The following RPN2 variants were observed in gnomAD, a reference collection of about 807,000 sequenced individuals.
RPN2 encodes dolichyl-diphosphooligosaccharide--protein glycosyltransferase subunit 2.
In RPN2, 29 loss-of-function variants were observed where a neutral mutation model predicts 71.4. The ratio of observed to expected loss-of-function variants is 0.41; its 90% confidence interval spans 0.30 to 0.55. The LOEUF (loss-of-function observed/expected upper bound fraction) is 0.55. RPN2 is among the 20% of genes least tolerant of loss of function. The pLI is 0.35. For synonymous variants in RPN2, 308 were observed against 305.0 expected (o/e 1.01, Z -0.10); for missense variants, 726 against 774.1 (o/e 0.94, Z 0.74).
intron 6 of RPN2, 75 bp downstream of exon 6, chr20:37,204,976 A>G (rs2067479468): frequency 6.9e-6 from 11 of 1,605,032 alleles, no homozygotes; most frequent in Non-Finnish European, 9.4e-6. Context: ...GGCTTTTATC[A>G]GAGAGGAATG....
At chr20:37,194,012 C>T (rs1307204018) in intron 2 of RPN2, among the ~76,000 whole-genome samples, 4 of 152,082 alleles carry the variant, frequency 2.6e-5, no homozygotes, top group Admixed American at 2.6e-4. Context: ...CAGCAGGGTG[C>T]GGTGGCATCC....
At chr20:37,215,790 G>A (rs2067791581) in intron 9 of RPN2, among the ~76,000 whole-genome samples, 1 of 152,032 alleles carries the variant, frequency 6.6e-6, no homozygotes, top group Non-Finnish European at 1.5e-5. Context: ...CATATGAAAA[G>A]GTATCTTGTT....
At chr20:37,204,161 G>T (rs1206665202) in intron 5 of RPN2, among the ~76,000 whole-genome samples, 1 of 152,212 alleles carries the variant, frequency 6.6e-6, no homozygotes, top group East Asian at 1.9e-4. Flanking sequence ...AGGACGTGGT[G>T]ACTGTGGTTT....
At chr20:37,188,537 A>G (rs758458176) in intron 2 of RPN2, among the ~76,000 whole-genome samples, 4 of 151,682 alleles carry the variant, frequency 2.6e-5, no homozygotes, top group Admixed American at 1.3e-4. Flanking sequence ...TATTTCATAC[A>G]GTTTTATAGT....
intron 1 of RPN2, among the ~76,000 whole-genome samples, chr20:37,183,323 C>T (rs1336662361): frequency 2.6e-5 from 4 of 151,910 alleles, no homozygotes; most frequent in Non-Finnish European, 4.4e-5. Context: ...TCAAGCGATT[C>T]TCCTGCCTCA....
intron 5 of RPN2, among the ~76,000 whole-genome samples, chr20:37,204,478 A>G (rs547838897): frequency 1.3e-5 from 2 of 152,310 alleles, no homozygotes; most frequent in Admixed American, 1.3e-4. Context: ...TTCCACCCAA[A>G]GCAGCTGGCG....
rs752848301 is a variant in RPN2 at position 37,185,142 on chromosome 20, GTCTT to G, written c.207+771_207+774del. The stretch of plus-strand genomic sequence containing the variant: ...TAAAACCTTTCCTGGATTCGGGACA[GTCTT>G]TTTTTTTTTTTTTTTGAGACAGAGT... On this transcript the variant is annotated intron_variant, in intron 2 of 16. Coordinates refer to ENST00000237530, the MANE Select transcript of RPN2 (RefSeq NM_002951.5). Among the ~76,000 whole-genome samples, 61 of 139,604 alleles carry G rather than the reference GTCTT, an allele frequency of 4.4e-4. 4 individuals carry two copies. The East Asian group carries it at 5.5e-3, about 13-fold the overall frequency. The allele number at this position is 139,604 out of a possible 152,430, so 91.6% of individuals were successfully genotyped here. A position where few individuals can be genotyped will look rare whatever the true frequency, so the allele number is the denominator to read the frequency against.
rs190165538 is a variant in RPN2, at chr20:37,180,206, G to C, written c.13+837G>C. Reference sequence around the variant, plus strand: ...AACTTACTTGCCCAGGGTGACACATGAATGAGTCAGTGGCTCACCGTTTCA... The same window carrying C: ...AACTTACTTGCCCAGGGTGACACATCAATGAGTCAGTGGCTCACCGTTTCA... On this transcript the variant is annotated intron_variant, in intron 1 of 16. Coordinates refer to ENST00000237530, the MANE Select transcript of RPN2 (RefSeq NM_002951.5). Among the ~76,000 whole-genome samples the C allele has an allele frequency of 2.6e-5, 4 of 152,320 alleles. No homozygotes were observed. The East Asian group carries it at 7.7e-4, about 29-fold the overall frequency.
chr20:37,209,307 AT>A (rs1311148227), intron 7 of RPN2, among the ~76,000 whole-genome samples: 3 of 152,200 alleles, frequency 2.0e-5, no homozygotes, highest in Non-Finnish European at 4.4e-5. Context: ...ATTCTAAAGT[AT>A]TTTTCTGGCT....
chr20:37,181,437 T>C (rs567043225), intron 1 of RPN2, among the ~76,000 whole-genome samples: 45 of 149,974 alleles, frequency 3.0e-4, no homozygotes, highest in African/African-American at 8.5e-4. Flanking sequence ...TTTTCTTTTT[T>C]TTTTTTTTTT....
At chr20:37,221,192 A>C (rs1396347473) in intron 9 of RPN2, among the ~76,000 whole-genome samples, 1 of 144,178 alleles carries the variant, frequency 6.9e-6, no homozygotes, top group Non-Finnish European at 1.5e-5. Context: ...ACTTTACACA[A>C]TTCTTTTTTT....
chr20:37,232,529 C>A, intron 14 of RPN2, 138 bp downstream of exon 14: 1 of 1,076,746 alleles, frequency 9.3e-7, no homozygotes, highest in Non-Finnish European at 1.4e-6. Context: ...AATTGATGCT[C>A]AAGACATTTT....
intron 2 of RPN2, among the ~76,000 whole-genome samples, chr20:37,185,976 T>G (rs1165051602): frequency 2.6e-5 from 4 of 152,236 alleles, no homozygotes; most frequent in African/African-American, 9.6e-5. Context: ...TTCCTGTGGT[T>G]GTGGGCCTGA....
chr20:37,209,149 T>G (rs1224273428), intron 7 of RPN2, among the ~76,000 whole-genome samples: 1 of 152,250 alleles, frequency 6.6e-6, no homozygotes, highest in Non-Finnish European at 1.5e-5. Flanking sequence ...TCTTCACCTG[T>G]GCAATAAGGA....
In RPN2 at chr20:37,206,854, G is replaced by T. The variant is rs143066629; in HGVS notation, c.691-419G>T. Among the ~76,000 whole-genome samples the T allele has an allele frequency of 4.6e-5, 7 of 151,910 alleles. 1 individual carries two copies. The highest frequency in any genetic ancestry group is 4.6e-4 in the Admixed American group (7 of 15,236). ...CTCTTGAGTAGATGGGATTACAGGCGCATGCCACCATGCCTGACTAATTTT... is the reference window on the plus strand; with the variant it reads ...CTCTTGAGTAGATGGGATTACAGGCTCATGCCACCATGCCTGACTAATTTT... On this transcript the variant is annotated intron_variant, in intron 6 of 16. Coordinates refer to ENST00000237530, the MANE Select transcript of RPN2 (RefSeq NM_002951.5).
At chr20:37,205,027 G>C in intron 6 of RPN2, 126 bp downstream of exon 6, 1 of 1,370,786 alleles carries the variant, frequency 7.3e-7, no homozygotes, top group Non-Finnish European at 1.0e-6. Flanking sequence ...AGTGTCCTGG[G>C]TTAGGGATTA....
At chr20:37,238,521 T>A in intron 16 of RPN2, 1 of 1,074,392 alleles carries the variant, frequency 9.3e-7, no homozygotes, top group Non-Finnish European at 1.4e-6. Context: ...TGCATGTCAG[T>A]TATCTCTCTA....
In RPN2 at chr20:37,233,925, C is replaced by G. The variant is rs764125896; in HGVS notation, c.1678-95C>G. 8 of 1,372,842 alleles carry G rather than the reference C, an allele frequency of 5.8e-6. No homozygotes were observed. The African/African-American group carries it at 7.1e-5, about 12-fold the overall frequency. The allele number at this position is 1,372,842 out of a possible 1,614,324, so 85.0% of individuals were successfully genotyped here. On this transcript the variant is annotated intron_variant, in intron 14 of 16. Transcript: ENST00000237530. ...TTCTAGGATGCATGAACTTTGAAGCCTTGGGGCTGTTGATGGGATTAGCAT... is the reference window on the plus strand; with the variant it reads ...TTCTAGGATGCATGAACTTTGAAGCGTTGGGGCTGTTGATGGGATTAGCAT...
At chr20:37,226,785 AC>A (rs2068087366) in intron 11 of RPN2, among the ~76,000 whole-genome samples, 1 of 151,942 alleles carries the variant, frequency 6.6e-6, no homozygotes. Flanking sequence ...CCACTCAGAT[AC>A]CCCCACTCCC....
Sources: allele counts gnomAD v4.1 joint callset (sites outside exome capture counted in the v4.1 genomes callset), GRCh38; gene constraint gnomAD v4.1.1; transcripts MANE v1.5; gene names NCBI Gene and HGNC (gene_info 2026-07-23, HGNC 2026-07-21).